MEGF10: variants seen among roughly 807,000 people sequenced by gnomAD.
The protein encoded by MEGF10 is multiple EGF like domains 10.
In MEGF10, 86 loss-of-function variants were observed where a neutral mutation model predicts 147.5. That is an observed-to-expected ratio of 0.58 (90% CI 0.49 to 0.70). MEGF10 has a LOEUF of 0.70. MEGF10 is among the 30% of genes least tolerant of loss of function. The pLI, the probability that MEGF10 is intolerant of heterozygous loss-of-function variation, is 0.00. For missense variants in MEGF10, 1,329 were observed against 1,487.3 expected (o/e 0.89, Z 1.75); for synonymous variants, 478 against 525.5 (o/e 0.91, Z 1.24).
At chr5:127,445,003 C>A (rs959648466) in intron 19 of MEGF10, among the ~76,000 whole-genome samples, 1 of 152,194 alleles carries the variant, frequency 6.6e-6, no homozygotes, top group Non-Finnish European at 1.5e-5. Context: ...ATTGTTACCC[C>A]AAATTAATTG....
At chr5:127,318,614 T>A (rs17165060) in intron 1 of MEGF10, among the ~76,000 whole-genome samples, 6,599 of 152,088 alleles carry the variant, frequency 0.043, 206 homozygotes, top group South Asian at 0.078. Flanking sequence ...ATGCATGAAG[T>A]AAGAGATGAG....
At chr5:127,273,717 C>T in the MEGF10 span, among the ~76,000 whole-genome samples, 1 of 152,182 alleles carries the variant, frequency 6.6e-6, no homozygotes, top group African/African-American at 2.4e-5. Context: ...GTCATACACA[C>T]AGCTTCATTT....
intron 1 of MEGF10, among the ~76,000 whole-genome samples, chr5:127,300,817 T>A (rs574937898): frequency 6.6e-6 from 1 of 152,182 alleles, no homozygotes; most frequent in African/African-American, 2.4e-5. Context: ...ATTAGCACCA[T>A]CATAGGTGAT....
chr5:127,368,705 T>C (rs1762741598), intron 4 of MEGF10, among the ~76,000 whole-genome samples: 1 of 152,154 alleles, frequency 6.6e-6, no homozygotes, highest in Non-Finnish European at 1.5e-5. Context: ...ACCTTAGAAG[T>C]AGTCATTTTT....
At chr5:127,364,443 A>G (rs1267406278) in intron 4 of MEGF10, among the ~76,000 whole-genome samples, 1 of 152,202 alleles carries the variant, frequency 6.6e-6, no homozygotes, top group East Asian at 1.9e-4. Context: ...AGTTTGATGG[A>G]TCTACATCAG....
chr5:127,278,520 A>C, the MEGF10 span, among the ~76,000 whole-genome samples: 3 of 152,190 alleles, frequency 2.0e-5, no homozygotes, highest in African/African-American at 7.2e-5. Flanking sequence ...AATATTTGTG[A>C]ATGCTGATGG....
chr5:127,298,773 G>A (rs1013975356), intron 1 of MEGF10, among the ~76,000 whole-genome samples: 1 of 152,210 alleles, frequency 6.6e-6, no homozygotes, highest in African/African-American at 2.4e-5. Context: ...GACAATGGCT[G>A]TAACACAACG....
chr5:127,291,396 T>A (rs1227433109), intron 1 of MEGF10, among the ~76,000 whole-genome samples: 3 of 152,088 alleles, frequency 2.0e-5, no homozygotes, highest in Admixed American at 2.0e-4. Context: ...TGTAGGGAGA[T>A]TTGTGGGGAA....
chr5:127,419,989 C>A (rs914084303), intron 11 of MEGF10, 55 bp from the exon 12 acceptor site: 26 of 1,587,124 alleles, frequency 1.6e-5, no homozygotes, highest in Non-Finnish European at 2.1e-5. Flanking sequence ...AAAGGCTCAA[C>A]AAGGCTCTCT....
At chr5:127,275,945 C>T in the MEGF10 span, among the ~76,000 whole-genome samples, 2 of 152,162 alleles carry the variant, frequency 1.3e-5, no homozygotes, top group African/African-American at 2.4e-5. Flanking sequence ...GAATTCACTT[C>T]CTATGACATC....
chr5:127,255,828 C>G, the MEGF10 span, among the ~76,000 whole-genome samples: 4,667 of 152,066 alleles, frequency 0.031, 191 homozygotes, highest in African/African-American at 0.097. Flanking sequence ...CCTGGGAACA[C>G]AACCTCCTTT....
the MEGF10 span, among the ~76,000 whole-genome samples, chr5:127,248,913 T>A: frequency 3.3e-5 from 5 of 150,886 alleles, no homozygotes; most frequent in East Asian, 1.9e-4. Flanking sequence ...AAAAAAAAAA[T>A]TTAAATTAAT....
At position 127,458,997 on chromosome 5, in the gene MEGF10, C is replaced by T. The variant is rs908157726; in HGVS notation, c.*1679C>T. 1 of 152,158 alleles carries T rather than the reference C, an allele frequency of 6.6e-6. No individual in the cohort carries two copies. The highest frequency in any genetic ancestry group is 2.4e-5 in the African/African-American group (1 of 41,436). 9.4% of individuals were successfully genotyped at this position (152,158 alleles called of 1,614,324 possible). A position where few individuals can be genotyped will look rare whatever the true frequency, so the allele number is the denominator to read the frequency against. On this transcript the variant is annotated 3_prime_UTR_variant, in exon 25 of 25. Transcript: ENST00000503335. Reference sequence around the variant, plus strand: ...GAAAGCCAGTTTCCCTTTTGTTGATCTACTTGACCAAGCAAAGGGGCTGAA... The same window carrying T: ...GAAAGCCAGTTTCCCTTTTGTTGATTTACTTGACCAAGCAAAGGGGCTGAA...
the MEGF10 span, among the ~76,000 whole-genome samples, chr5:127,272,866 A>T: frequency 4.6e-5 from 7 of 152,322 alleles, no homozygotes; most frequent in South Asian, 1.5e-3. Flanking sequence ...GGAGCATGTC[A>T]TCTGCAAACG....
At chr5:127,275,904 T>C in the MEGF10 span, among the ~76,000 whole-genome samples, 1 of 152,158 alleles carries the variant, frequency 6.6e-6, no homozygotes, top group Admixed American at 6.5e-5. Context: ...ATATTTGTCA[T>C]AGAGGATTGG....
the MEGF10 span, among the ~76,000 whole-genome samples, chr5:127,251,455 T>C: frequency 6.6e-6 from 1 of 152,072 alleles, no homozygotes; most frequent in African/African-American, 2.4e-5. Flanking sequence ...AATACATTAA[T>C]ATACAGAAAG....
At chr5:127,381,497 C>A (rs1038494653) in intron 5 of MEGF10, among the ~76,000 whole-genome samples, 1 of 152,164 alleles carries the variant, frequency 6.6e-6, no homozygotes, top group Non-Finnish European at 1.5e-5. Context: ...ATGATATGTA[C>A]GAGATGGTGC....
At chr5:127,427,559 G>A (rs1047409535) in intron 13 of MEGF10, among the ~76,000 whole-genome samples, 1 of 151,834 alleles carries the variant, frequency 6.6e-6, no homozygotes, top group Non-Finnish European at 1.5e-5. Context: ...TTGATGTGAA[G>A]AGCCCACTTC....
the MEGF10 span, among the ~76,000 whole-genome samples, chr5:127,247,969 C>A: frequency 0.4 from 60,603 of 151,822 alleles, 12,583 homozygotes; most frequent in Middle Eastern, 0.54. Context: ...TTCTGCAAGA[C>A]CTCCCAATTC....
Sources: gnomAD v4.1 joint callset for allele counts (sites outside exome capture counted in the v4.1 genomes callset) on GRCh38, gnomAD v4.1.1 for gene constraint, MANE v1.5 for transcripts, NCBI Gene and HGNC (gene_info 2026-07-23, HGNC 2026-07-21) for gene names.